ST6GALNAC1: variants seen among roughly 807,000 people sequenced by gnomAD.
ST6GALNAC1 encodes the protein alpha-N-acetylgalactosaminide alpha-2,6-sialyltransferase 1.
ST6GALNAC1 carries 45 observed loss-of-function variants against 56.8 expected under a neutral mutation model. The ratio of observed to expected loss-of-function variants is 0.79; its 90% confidence interval spans 0.62 to 1.02. ST6GALNAC1 has a LOEUF of 1.02. Ranked by LOEUF, ST6GALNAC1 falls within the 50% of genes least tolerant of loss-of-function variation. The pLI is 0.00. For synonymous variants in ST6GALNAC1, 295 were observed against 297.8 expected (o/e 0.99, Z 0.10); for missense variants, 743 against 754.8 (o/e 0.98, Z 0.18).
chr17:76,625,857 C>A lies in ST6GALNAC1; in HGVS notation c.1567G>T (p.Ala523Ser), dbSNP rs1481162032. ...TGAAGGGCAGTGAGCAGCAGGAGGG[C>A]CCCAGTGGTGGGGCGGTATATCCTC... ...HWRIYRPTTG[A>S]LLLLTALQLC... Residue 523 changes from alanine to serine, a missense_variant, in exon 8 of 9, where the codon GCC becomes TCC. Transcript: ENST00000156626. 7.1e-6 allele frequency: 11 copies of A among 1,545,808 alleles called. No homozygotes were observed. The South Asian group carries it at 1.4e-4, about 19-fold the overall frequency.
intron 1 of ST6GALNAC1, among the ~76,000 whole-genome samples, chr17:76,635,930 G>A (rs1408752530): frequency 6.6e-6 from 1 of 152,170 alleles, no homozygotes; most frequent in East Asian, 1.9e-4. Context: ...TGACAGCCTA[G>A]GGAGGCAGTT....
downstream of ST6GALNAC1, chr17:76,624,664 G>T (rs1567950402): frequency 6.6e-6 from 1 of 152,482 alleles, no homozygotes; most frequent in Non-Finnish European, 1.5e-5. Flanking sequence ...CTCGTCATGG[G>T]GGTTTGAAAA....
Position 76,626,072 on chromosome 17 carries a change from C to G in ST6GALNAC1, c.1439G>C (p.Arg480Pro), listed in dbSNP as rs748162481. Residue 480 changes from arginine (R) to proline (P), a missense_variant, in exon 7 of 9, where the codon CGG becomes CCG. Transcript: ENST00000156626. ...GTACCTGTCCATGTGCAGGGCTTCC[C>G]GAAAAGCTTCCTGGGGTCTGTGCCT... is the stretch of plus-strand genomic sequence containing the variant. ...WFRHRPQEAF[R>P]EALHMDRYLL... 1.2e-6 allele frequency: 2 copies of G among 1,613,962 alleles called. No homozygotes were observed. Among genetic ancestry groups the G allele is most frequent in the Admixed American group, 3.3e-5 (2 of 59,988 alleles).
intron 1 of ST6GALNAC1, among the ~76,000 whole-genome samples, chr17:76,636,968 C>A (rs1397227753): frequency 1.3e-5 from 2 of 152,090 alleles, no homozygotes; most frequent in East Asian, 1.9e-4. Flanking sequence ...TATGACCTTA[C>A]CCCCAACCCC....
chr17:76,622,908 C>T (rs2075756218), downstream of ST6GALNAC1, among the ~76,000 whole-genome samples: 1 of 152,182 alleles, frequency 6.6e-6, no homozygotes, highest in South Asian at 2.1e-4. Context: ...ATTCTCCTGC[C>T]TCAGCCTCCA....
At chr17:76,643,433 G>C (rs754509639) in intron 1 of ST6GALNAC1, 75 bp downstream of exon 1, 35 of 1,548,314 alleles carry the variant, frequency 2.3e-5, no homozygotes, top group Non-Finnish European at 2.7e-5. Context: ...GACTTCCCCA[G>C]TCCTCCCTGG....
At chr17:76,638,630 G>C (rs986162521) in intron 1 of ST6GALNAC1, among the ~76,000 whole-genome samples, 1 of 152,102 alleles carries the variant, frequency 6.6e-6, no homozygotes, top group Non-Finnish European at 1.5e-5. Context: ...GCCCAGGCTG[G>C]AGTACTGTGG....
chr17:76,640,524 C>G (rs2076036900), intron 1 of ST6GALNAC1, among the ~76,000 whole-genome samples: 1 of 152,172 alleles, frequency 6.6e-6, no homozygotes, highest in Admixed American at 6.6e-5. Context: ...TCTCTCCTCC[C>G]CTGTCTTCTT....
At position 76,625,135 on chromosome 17, in the gene ST6GALNAC1, CT is replaced by C. The variant is rs1408378111; in HGVS notation, c.*194del. Reference sequence around the variant, plus strand: ...TGGCCTCAGGACCTACAGCAATGTACTGAAGAACTTCAGAACCTCAATTAGC... The same window carrying C: ...TGGCCTCAGGACCTACAGCAATGTACGAAGAACTTCAGAACCTCAATTAGC... On this transcript the variant is annotated 3_prime_UTR_variant, in exon 9 of 9. Coordinates refer to ENST00000156626, the MANE Select transcript of ST6GALNAC1 (RefSeq NM_018414.5). 9 of 621,926 alleles carry C rather than the reference CT, an allele frequency of 1.4e-5. No homozygotes were observed. The highest frequency in any genetic ancestry group is 2.5e-5 in the Non-Finnish European group (9 of 358,430). 38.5% of individuals were successfully genotyped at this position (621,926 alleles called of 1,614,324 possible). A position where few individuals can be genotyped will look rare whatever the true frequency, so the allele number is the denominator to read the frequency against.
chr17:76,625,244 A>G lies in ST6GALNAC1; in HGVS notation c.*86T>C, dbSNP rs9941380. 600 of 1,436,822 alleles carry G rather than the reference A, an allele frequency of 4.2e-4. 2 individuals carry two copies. In the African/African-American group the frequency reaches 7.0e-3, roughly 17 times the overall value. The allele number at this position is 1,436,822 out of a possible 1,614,324, so 89.0% of individuals were successfully genotyped here. On this transcript the variant is annotated 3_prime_UTR_variant, in exon 9 of 9. Transcript: ENST00000156626. ...AAGGGCTTGGAGCTTAGTCTGAGCC[A>G]TGGGAAATGGCCAAAGAGTCTCAAG...
At chr17:76,620,673 T>C (rs929529346), downstream of ST6GALNAC1, among the ~76,000 whole-genome samples, 1 of 151,984 alleles carries the variant, frequency 6.6e-6, no homozygotes, top group Admixed American at 6.6e-5. Context: ...TCTCCCAGGT[T>C]CAAGTGATTC....
intron 1 of ST6GALNAC1, among the ~76,000 whole-genome samples, chr17:76,630,270 T>C (rs1303328677): frequency 6.6e-6 from 1 of 152,184 alleles, no homozygotes. Context: ...ATTATTGTTA[T>C]TCGAGGCAGG....
chr17:76,636,745 C>T (rs555851792), intron 1 of ST6GALNAC1, among the ~76,000 whole-genome samples: 2,166 of 152,216 alleles, frequency 0.014, 32 homozygotes, highest in Non-Finnish European at 0.018. Context: ...CCCCTCTGCC[C>T]GGCCGCCACC....
In ST6GALNAC1 at chr17:76,625,177, G is replaced by C. The variant is rs2075777561; in HGVS notation, c.*153C>G. ...CTCAATTAGCCATTTGCCATCTTGA[G>C]AGAGTCTTGTCCATGGTTCAAGTGT... is the stretch of plus-strand genomic sequence containing the variant. On this transcript the variant is annotated 3_prime_UTR_variant, in exon 9 of 9. Coordinates refer to ENST00000156626, the MANE Select transcript of ST6GALNAC1 (RefSeq NM_018414.5). 1 of 760,106 alleles carries C rather than the reference G, an allele frequency of 1.3e-6. No individual in the cohort carries two copies. The allele number at this position is 760,106 out of a possible 1,614,324, so 47.1% of individuals were successfully genotyped here.
At chr17:76,631,836 T>C (rs1257175529) in intron 1 of ST6GALNAC1, among the ~76,000 whole-genome samples, 3 of 152,134 alleles carry the variant, frequency 2.0e-5, no homozygotes, top group Non-Finnish European at 4.4e-5. Context: ...AGGAGGACAC[T>C]TTCAAGAGAA....
chr17:76,637,619 G>A, intron 1 of ST6GALNAC1: 1 of 398,814 alleles, frequency 2.5e-6, no homozygotes, highest in Non-Finnish European at 4.4e-6. Flanking sequence ...AGGTGGACCT[G>A]AAAGAGCCAA....
chr17:76,639,458 C>T (rs532272229), intron 1 of ST6GALNAC1, among the ~76,000 whole-genome samples: 9 of 152,158 alleles, frequency 5.9e-5, no homozygotes, highest in Non-Finnish European at 1.3e-4. Flanking sequence ...CGTCTGTAGT[C>T]CCAGCTACTC....
chr17:76,629,647 C>G lies in ST6GALNAC1; in HGVS notation c.196G>C (p.Ala66Pro). 1 of 1,613,746 alleles carries G rather than the reference C, an allele frequency of 6.2e-7. No individual in the cohort carries two copies. Among genetic ancestry groups the G allele is most frequent in the Non-Finnish European group, 8.5e-7 (1 of 1,179,800 alleles). Residue 66 changes from alanine (A) to proline (P), a missense_variant, in exon 2 of 9, where the codon GCA becomes CCA. Coordinates refer to ENST00000156626, the MANE Select transcript of ST6GALNAC1 (RefSeq NM_018414.5). ...LQSLAKPKSQ[A>P]PTRARRTTIY... ...GTTGTCCTCCTTGCCCTTGTGGGTG[C>G]CTGGGACTTAGGCTTTGCCAGGGAC...
chr17:76,636,445 G>C (rs777731433), intron 1 of ST6GALNAC1, among the ~76,000 whole-genome samples: 1 of 152,076 alleles, frequency 6.6e-6, no homozygotes, highest in Non-Finnish European at 1.5e-5. Context: ...AGAGGACCCT[G>C]CTTCCTGGCA....
Sources: gnomAD v4.1 joint callset for allele counts (sites outside exome capture counted in the v4.1 genomes callset) on GRCh38, gnomAD v4.1.1 for gene constraint, MANE v1.5 for transcripts, NCBI Gene and HGNC (gene_info 2026-07-23, HGNC 2026-07-21) for gene names.